The following MAPK14 variants were observed in gnomAD, a reference collection of about 807,000 sequenced individuals.
The protein encoded by MAPK14 is CSAID-binding protein.
Under a neutral mutation model 49.6 loss-of-function variants are expected in MAPK14, and 16 were observed. That is an observed-to-expected ratio of 0.32 (90% CI 0.22 to 0.49). The LOEUF (loss-of-function observed/expected upper bound fraction) is 0.49, where lower values mean the gene tolerates loss of function less well. Among genes scored for constraint, MAPK14 ranks in the 20% least tolerant of loss-of-function variants. The probability of loss-of-function intolerance (pLI) is 0.99; values close to 1 mark genes in which losing one functional copy is unlikely to be tolerated. For synonymous variants in MAPK14, 142 were observed against 158.0 expected, an observed-to-expected ratio of 0.90 and a Z score of 0.76; for missense variants, 200 against 441.2, an observed-to-expected ratio of 0.45 and a Z score of 4.90.
At chr6:36,083,597 A>G (rs1251735684) in intron 8 of MAPK14, among the ~76,000 whole-genome samples, 1 of 152,070 alleles carries the variant, frequency 6.6e-6, no homozygotes, top group Non-Finnish European at 1.5e-5. Flanking sequence ...TCATGGCCAG[A>G]CTGACTCTTT....
intron 8 of MAPK14, among the ~76,000 whole-genome samples, chr6:36,080,833 A>G (rs1016686492): frequency 1.3e-4 from 19 of 151,416 alleles, no homozygotes; most frequent in Non-Finnish European, 1.2e-4. Flanking sequence ...GGATTCCTGT[A>G]TCTCCAAACT....
rs1454259784 is a variant in MAPK14 at position 36,059,284 on chromosome 6, T to A, written c.247-5T>A. The A allele has an allele frequency of 1.9e-6, 3 of 1,567,178 alleles. No individual in the cohort carries two copies. The highest frequency in any genetic ancestry group is 2.6e-6 in the Non-Finnish European group (3 of 1,138,162). ...TTACTTTTTAATTTTTATATTTTCT[T>A]ACAGGTGATTGGTCTGTTGGACGTT... is the stretch of plus-strand genomic sequence containing the variant. On this transcript the variant is annotated splice_polypyrimidine_tract_variant and splice_region_variant and intron_variant, in intron 2 of 11. Transcript: ENST00000229794.
At chr6:36,123,818 T>C in the MAPK14 span, among the ~76,000 whole-genome samples, 1 of 152,008 alleles carries the variant, frequency 6.6e-6, no homozygotes, top group Non-Finnish European at 1.5e-5. Context: ...AGCCACATCT[T>C]TGTAGGGTGG....
At chr6:36,088,542 G>A (rs531373532) in intron 8 of MAPK14, among the ~76,000 whole-genome samples, 233 of 152,030 alleles carry the variant, frequency 1.5e-3, no homozygotes, top group African/African-American at 3.0e-3. Flanking sequence ...CTAATTTGGC[G>A]AAACCCCATC....
chr6:36,062,294 G>T (rs890244934), intron 3 of MAPK14, among the ~76,000 whole-genome samples: 9 of 152,152 alleles, frequency 5.9e-5, no homozygotes, highest in Non-Finnish European at 1.2e-4. Flanking sequence ...ATTTTCTAAA[G>T]TTATTTTGGG....
At chr6:36,055,461 CT>C (rs1426325003) in intron 2 of MAPK14, among the ~76,000 whole-genome samples, 9 of 151,928 alleles carry the variant, frequency 5.9e-5, no homozygotes, top group Non-Finnish European at 1.3e-4. Flanking sequence ...ATTTGCCAGG[CT>C]TTGGACCATG....
At chr6:36,103,525 G>A (rs1488400835) in intron 10 of MAPK14, among the ~76,000 whole-genome samples, 1 of 151,982 alleles carries the variant, frequency 6.6e-6, no homozygotes, top group East Asian at 1.9e-4. Flanking sequence ...AGAATTCTTT[G>A]TAGAGACAGG....
At chr6:36,078,828 C>G (rs1764633236) in intron 8 of MAPK14, among the ~76,000 whole-genome samples, 1 of 151,894 alleles carries the variant, frequency 6.6e-6, no homozygotes, top group Admixed American at 6.6e-5. Flanking sequence ...CTTTGATTGC[C>G]TGACAAGAGG....
At chr6:36,077,469 C>T (rs61764191) in intron 8 of MAPK14, among the ~76,000 whole-genome samples, 2,655 of 151,554 alleles carry the variant, frequency 0.018, 78 homozygotes, top group African/African-American at 0.06. Flanking sequence ...TCTATTATGC[C>T]TAGAGATCTA....
In MAPK14 at chr6:36,102,542, AGTCATTCTG is replaced by A. The variant is rs776567414; in HGVS notation, c.763-28_763-20del. 1 of 1,559,358 alleles carries A rather than the reference AGTCATTCTG, an allele frequency of 6.4e-7. No homozygotes were observed. Among genetic ancestry groups the A allele is most frequent in the South Asian group, 1.1e-5 (1 of 89,356 alleles). Reference sequence around the variant, plus strand: ...TGAGAGCAGTAACATTATTGAACAAAGTCATTCTGAAAACCCTTGTTTTTTCAGGCAAGA... The same window carrying A: ...TGAGAGCAGTAACATTATTGAACAAAAAAACCCTTGTTTTTTCAGGCAAGA... On this transcript the variant is annotated intron_variant, in intron 9 of 11. Transcript: ENST00000229794.
At chr6:36,092,018 G>A (rs1765253499) in intron 8 of MAPK14, 2 of 416,876 alleles carry the variant, frequency 4.8e-6, no homozygotes, top group Middle Eastern at 4.1e-4. Context: ...ACTTCAGATG[G>A]CTTCACATTT....
the MAPK14 span, among the ~76,000 whole-genome samples, chr6:36,121,615 C>G: frequency 1.3e-5 from 2 of 152,242 alleles, no homozygotes; most frequent in African/African-American, 4.8e-5. Context: ...TGTTGCCACA[C>G]CTGTGCTCGG....
intron 1 of MAPK14, among the ~76,000 whole-genome samples, chr6:36,043,653 A>C (rs1763050841): frequency 2.0e-5 from 3 of 152,174 alleles, no homozygotes; most frequent in Non-Finnish European, 4.4e-5. Flanking sequence ...TTAATTATTT[A>C]GTTATTTAGA....
chr6:36,087,980 T>C (rs1444839114), intron 8 of MAPK14, among the ~76,000 whole-genome samples: 1 of 152,166 alleles, frequency 6.6e-6, no homozygotes, highest in East Asian at 1.9e-4. Flanking sequence ...ACTGCACATC[T>C]ACAACCATCT....
At chr6:36,076,215 A>C (rs1764527285) in intron 7 of MAPK14, among the ~76,000 whole-genome samples, 1 of 152,192 alleles carries the variant, frequency 6.6e-6, no homozygotes. Flanking sequence ...CTGAGTACTT[A>C]TACCTAAAGA....
Position 36,073,707 on chromosome 6 carries a change from A to G in MAPK14, c.434A>G (p.Asp145Gly), listed in dbSNP as rs760536219. The change falls in exon 5 of 12, where the codon GAC becomes GGC. Residue 145 changes from aspartate to glycine, a missense_variant. This residue lies in a region of MAPK14 where 170 missense variants were observed against 407.0 expected (regional missense o/e 0.42). Coordinates refer to ENST00000229794, the MANE Select transcript of MAPK14 (RefSeq NM_139012.3). ...LRGLKYIHSA[D>G]IIHRDLKPSN... ...CTTTTGCAGTATATACATTCAGCTG[A>G]CATAATTCACAGGGTATGTATTGTG... is the stretch of plus-strand genomic sequence containing the variant. The G allele has an allele frequency of 9.9e-6, 16 of 1,612,838 alleles. 1 individual carries two copies. The East Asian group carries it at 3.6e-4, about 36-fold the overall frequency.
chr6:36,100,049 T>C (rs1255436960), intron 9 of MAPK14: 1 of 638,528 alleles, frequency 1.6e-6, no homozygotes, highest in Non-Finnish European at 2.9e-6. Flanking sequence ...AGCATGCAGC[T>C]GTGGGCTCTC....
At chr6:36,063,477 C>T (rs1282091726) in intron 3 of MAPK14, among the ~76,000 whole-genome samples, 1 of 152,138 alleles carries the variant, frequency 6.6e-6, no homozygotes, top group Non-Finnish European at 1.5e-5. Flanking sequence ...GTAGTCCCAG[C>T]TACTGGGGAG....
At chr6:36,039,351 G>A (rs1762869406) in intron 1 of MAPK14, among the ~76,000 whole-genome samples, 2 of 152,156 alleles carry the variant, frequency 1.3e-5, no homozygotes, top group African/African-American at 4.8e-5. Context: ...AGTACCATTA[G>A]ACCCTGAACA....
Sources: gnomAD v4.1 joint callset for allele counts (sites outside exome capture counted in the v4.1 genomes callset) on GRCh38, gnomAD v4.1.1 for gene constraint, gnomAD v4.1.1 regional missense constraint, MANE v1.5 for transcripts, NCBI Gene and HGNC (gene_info 2026-07-23, HGNC 2026-07-21) for gene names.